The following SLC22A15 variants were observed in gnomAD, a reference collection of about 807,000 sequenced individuals.
The protein encoded by SLC22A15 is solute carrier family 22 member 15.
Under a neutral mutation model 62.7 loss-of-function variants are expected in SLC22A15, and 45 were observed. The observed-to-expected ratio is 0.72, with a 90% CI of 0.56 to 0.92. The LOEUF is 0.92. SLC22A15 is among the 40% of genes least tolerant of loss of function. The probability of loss-of-function intolerance (pLI) is 0.00; values close to 1 mark genes in which losing one functional copy is unlikely to be tolerated. For synonymous variants in SLC22A15, 264 were observed against 267.0 expected (o/e 0.99, Z 0.11); for missense variants, 622 against 665.6 (o/e 0.93, Z 0.72).
chr1:116,012,576 G>A (rs180757953), intron 2 of SLC22A15, among the ~76,000 whole-genome samples: 197 of 152,328 alleles, frequency 1.3e-3, no homozygotes, highest in African/African-American at 2.4e-3. Context: ...CAGATAGACA[G>A]TAAGTGTAAA....
chr1:116,031,884 C>T, intron 6 of SLC22A15: 1 of 1,151,510 alleles, frequency 8.7e-7, no homozygotes, highest in Non-Finnish European at 1.1e-6. Context: ...CCTGCCCCTT[C>T]CCCTGCAAAA....
intron 5 of SLC22A15, 43 bp from the exon 6 acceptor site, chr1:116,031,323 T>C: frequency 6.9e-7 from 1 of 1,446,454 alleles, no homozygotes; most frequent in African/African-American, 1.4e-5. Flanking sequence ...CCTGTGCACG[T>C]GTACCTATAT....
intron 2 of SLC22A15, among the ~76,000 whole-genome samples, chr1:116,008,738 G>A (rs1214864401): frequency 6.6e-6 from 1 of 152,212 alleles, no homozygotes. Flanking sequence ...TAATTAAAAA[G>A]GGAAGAAGAC....
chr1:115,992,425 T>C (rs1476848674), intron 2 of SLC22A15, among the ~76,000 whole-genome samples, 182 bp downstream of exon 2: 1 of 152,200 alleles, frequency 6.6e-6, no homozygotes, highest in Admixed American at 6.5e-5. Flanking sequence ...CCTTTTCCTC[T>C]TACTACACGT....
Position 116,067,767 on chromosome 1 carries a change from A to G in SLC22A15, c.*659A>G, listed in dbSNP as rs1281743. On this transcript the variant is annotated 3_prime_UTR_variant, in exon 12 of 12. Transcript: ENST00000369503. ...GATGATTCATTAGGAAAAGCCAGAT[A>G]TACCAAAGCGGTTTACTCAGAGTCA... The G allele has an allele frequency of 0.99, 150,338 of 152,440 alleles. 74,174 individuals are homozygous for G. The highest frequency in any genetic ancestry group is 1 in the East Asian group (5,166 of 5,166). The allele number at this position is 152,440 out of a possible 1,614,324, so 9.4% of individuals were successfully genotyped here.
chr1:116,056,427 C>G (rs544920901), intron 8 of SLC22A15, among the ~76,000 whole-genome samples: 1 of 149,790 alleles, frequency 6.7e-6, no homozygotes, highest in Admixed American at 6.7e-5. Context: ...AATGGAAGAA[C>G]ATTCCATGCT....
rs373365383 is a variant in SLC22A15 at position 116,066,646 on chromosome 1, G to A, written c.1492G>A (p.Val498Met). Residue 498 changes from valine to methionine, a missense_variant, in exon 11 of 12, where the codon GTG (valine) becomes ATG (methionine). Transcript: ENST00000369503. ...GCTAGAAACATTCTCCGACCTTCAG[G>A]TGTATTCGTATCGCAGGCTGGGAGA... ...PLLETFSDLQ[V>M]YSYRRLGEEA... 15 of 1,612,582 alleles carry A rather than the reference G, an allele frequency of 9.3e-6. No individual in the cohort carries two copies. The African/African-American group carries it at 1.9e-4, about 20-fold the overall frequency.
chr1:116,041,522 G>A (rs1657784320), intron 8 of SLC22A15, among the ~76,000 whole-genome samples: 1 of 152,136 alleles, frequency 6.6e-6, no homozygotes, highest in Non-Finnish European at 1.5e-5. Context: ...CATAGGACAG[G>A]CAATGATCCC....
chr1:116,007,939 A>G (rs1656064341), intron 2 of SLC22A15, among the ~76,000 whole-genome samples: 2 of 152,144 alleles, frequency 1.3e-5, no homozygotes. Flanking sequence ...GCAGAGGAGT[A>G]GGGTCCAGGG....
At chr1:116,010,349 G>GT (rs200716486) in intron 2 of SLC22A15, among the ~76,000 whole-genome samples, 3,652 of 152,276 alleles carry the variant, frequency 0.024, 145 homozygotes, top group African/African-American at 0.084. Context: ...ATACCCTGGG[G>GT]TCAAAAGACA....
chr1:116,029,109 A>T (rs781396082), intron 5 of SLC22A15, among the ~76,000 whole-genome samples: 1 of 152,230 alleles, frequency 6.6e-6, no homozygotes, highest in Admixed American at 6.5e-5. Context: ...GTTTCCACAC[A>T]GTAGATCCTT....
intron 10 of SLC22A15, among the ~76,000 whole-genome samples, chr1:116,064,895 T>C (rs1658461101): frequency 6.6e-6 from 1 of 152,198 alleles, no homozygotes; most frequent in African/African-American, 2.4e-5. Context: ...GCATTGTTGT[T>C]ACCCCTGTAT....
rs373341276 is a variant in SLC22A15 at position 115,979,815 on chromosome 1, C to T, written c.87+3101C>T. Reference sequence around the variant, plus strand: ...CAGAGGCTCCTGCTTTGTCATTTTCCTCAAAATCATGAATCGTACATTATA... The same window carrying T: ...CAGAGGCTCCTGCTTTGTCATTTTCTTCAAAATCATGAATCGTACATTATA... On this transcript the variant is annotated intron_variant, in intron 1 of 11. Coordinates refer to ENST00000369503, the MANE Select transcript of SLC22A15 (RefSeq NM_018420.3). 3.9e-4 allele frequency among the ~76,000 whole-genome samples: 60 copies of T among 152,104 alleles called. No individual in the cohort carries two copies. In the Middle Eastern group the frequency reaches 0.014, roughly 35 times the overall value.
chr1:115,987,362 C>T (rs1428148373), intron 1 of SLC22A15, among the ~76,000 whole-genome samples: 1 of 152,010 alleles, frequency 6.6e-6, no homozygotes, highest in Non-Finnish European at 1.5e-5. Context: ...GATGGGGTTT[C>T]TCTGTGTTAG....
At chr1:115,988,759 C>T (rs1253732471) in intron 1 of SLC22A15, among the ~76,000 whole-genome samples, 2 of 151,342 alleles carry the variant, frequency 1.3e-5, no homozygotes, top group African/African-American at 4.9e-5. Flanking sequence ...TCTTGAACTC[C>T]TGACCTCAAA....
chr1:116,007,551 G>T (rs751365336), intron 2 of SLC22A15, among the ~76,000 whole-genome samples: 11 of 152,178 alleles, frequency 7.2e-5, no homozygotes, highest in Non-Finnish European at 1.5e-4. Flanking sequence ...CACTGAGTTT[G>T]TGGGTAAGAA....
chr1:116,058,957 T>A (rs970214783), intron 8 of SLC22A15, among the ~76,000 whole-genome samples: 1 of 152,080 alleles, frequency 6.6e-6, no homozygotes, highest in Non-Finnish European at 1.5e-5. Context: ...CTTTGGGGAC[T>A]TGGAGGGAAG....
At chr1:115,988,739 G>A (rs898894794) in intron 1 of SLC22A15, among the ~76,000 whole-genome samples, 3 of 150,494 alleles carry the variant, frequency 2.0e-5, no homozygotes, top group Non-Finnish European at 4.4e-5. Context: ...CACCATGTTG[G>A]TCAGGCTGGT....
At chr1:116,053,162 T>A (rs1012692197) in intron 8 of SLC22A15, among the ~76,000 whole-genome samples, 9 of 151,838 alleles carry the variant, frequency 5.9e-5, no homozygotes, top group African/African-American at 1.9e-4. Flanking sequence ...TTGAAAAAAA[T>A]TTAGACGAAT....
Sources: allele counts gnomAD v4.1 joint callset (sites outside exome capture counted in the v4.1 genomes callset), GRCh38; gene constraint gnomAD v4.1.1; transcripts MANE v1.5; gene names NCBI Gene and HGNC (gene_info 2026-07-23, HGNC 2026-07-21).